GRM8: variants seen among roughly 807,000 people sequenced by gnomAD.
The protein encoded by GRM8 is metabotropic glutamate receptor 8.
GRM8 carries 47 observed loss-of-function variants against 87.2 expected under a neutral mutation model. The ratio of observed to expected loss-of-function variants is 0.54; its 90% CI spans 0.43 to 0.69. The LOEUF (loss-of-function observed/expected upper bound fraction) is 0.69, where lower values mean the gene tolerates loss of function less well. GRM8 is among the 30% of genes least tolerant of loss of function. GRM8 has a pLI of 0.00. For synonymous variants in GRM8, 396 were observed against 404.5 expected (o/e 0.98, Z 0.25); for missense variants, 1,019 against 1,139.2 (o/e 0.89, Z 1.52).
intron 9 of GRM8, among the ~76,000 whole-genome samples, chr7:126,499,413 C>CAAA (rs201518620): frequency 1.5e-5 from 2 of 134,322 alleles, no homozygotes; most frequent in Non-Finnish European, 1.6e-5. Flanking sequence ...GAGGTTCCTC[C>CAAA]AAAAAAAAAA....
intron 7 of GRM8, among the ~76,000 whole-genome samples, chr7:126,718,881 T>C (rs1017261208): frequency 1.3e-5 from 2 of 152,232 alleles, no homozygotes; most frequent in Non-Finnish European, 2.9e-5. Context: ...TGCCATACTT[T>C]CCAGCTAAAT....
intron 3 of GRM8, among the ~76,000 whole-genome samples, chr7:127,077,885 A>G (rs1307700476): frequency 6.6e-6 from 1 of 152,180 alleles, no homozygotes; most frequent in Non-Finnish European, 1.5e-5. Flanking sequence ...ACGGGGGAAC[A>G]TTTAACAATA....
At chr7:126,503,733 G>T (rs1192922043) in intron 9 of GRM8, among the ~76,000 whole-genome samples, 1 of 152,044 alleles carries the variant, frequency 6.6e-6, no homozygotes, top group East Asian at 1.9e-4. Flanking sequence ...AAATAGCAGT[G>T]TGTATTAGGC....
At chr7:126,933,347 T>C (rs1308133563) in intron 3 of GRM8, among the ~76,000 whole-genome samples, 1 of 152,176 alleles carries the variant, frequency 6.6e-6, no homozygotes, top group African/African-American at 2.4e-5. Flanking sequence ...GTTAAGAACA[T>C]AGATTAAGGA....
At chr7:126,582,099 T>C (rs575802000) in intron 8 of GRM8, among the ~76,000 whole-genome samples, 1 of 152,194 alleles carries the variant, frequency 6.6e-6, no homozygotes, top group South Asian at 2.1e-4. Flanking sequence ...TATCAAAAGC[T>C]GAGACAGATA....
intron 10 of GRM8, among the ~76,000 whole-genome samples, chr7:126,442,179 T>C (rs1182497158): frequency 6.6e-6 from 1 of 152,022 alleles, no homozygotes; most frequent in East Asian, 1.9e-4. Flanking sequence ...CCTATCTCCC[T>C]TCCTTTCTTC....
chr7:126,563,897 A>G (rs754287289), intron 8 of GRM8, among the ~76,000 whole-genome samples: 1 of 152,232 alleles, frequency 6.6e-6, no homozygotes, highest in Non-Finnish European at 1.5e-5. Context: ...TAACAGAGAA[A>G]GTGCTTATCG....
At chr7:126,496,900 T>A (rs1272810367) in intron 9 of GRM8, among the ~76,000 whole-genome samples, 3 of 151,870 alleles carry the variant, frequency 2.0e-5, no homozygotes, top group Non-Finnish European at 4.4e-5. Context: ...ACAGCATACA[T>A]GCACTGTATA....
intron 3 of GRM8, among the ~76,000 whole-genome samples, chr7:127,029,222 C>A (rs1416750518): frequency 6.6e-6 from 1 of 152,122 alleles, no homozygotes; most frequent in Non-Finnish European, 1.5e-5. Flanking sequence ...GATTTCTCTT[C>A]TTTTGCATTT....
intron 7 of GRM8, among the ~76,000 whole-genome samples, chr7:126,622,398 A>G (rs968392896): frequency 6.6e-6 from 1 of 152,044 alleles, no homozygotes; most frequent in African/African-American, 2.4e-5. Context: ...CATCCCTCAC[A>G]TATCCAACAC....
At chr7:126,625,296 T>C (rs1393749733) in intron 7 of GRM8, among the ~76,000 whole-genome samples, 1 of 152,162 alleles carries the variant, frequency 6.6e-6, no homozygotes, top group Non-Finnish European at 1.5e-5. Flanking sequence ...TTCTTCAGAA[T>C]TGCACTGGAT....
chr7:126,535,572 C>T (rs1286643408), intron 8 of GRM8, among the ~76,000 whole-genome samples: 1 of 152,174 alleles, frequency 6.6e-6, no homozygotes, highest in Non-Finnish European at 1.5e-5. Flanking sequence ...CTTTCAATTG[C>T]ATGCAGAGTA....
chr7:126,902,442 A>G, intron 6 of GRM8, 100 bp downstream of exon 6: 1 of 977,168 alleles, frequency 1.0e-6, no homozygotes, highest in Non-Finnish European at 1.5e-6. Context: ...AAAATAGAAA[A>G]TACATTCATC....
chr7:127,182,630 GTGGTGTGTGTGTGTGTGT>G (rs1232875012), intron 2 of GRM8, among the ~76,000 whole-genome samples: 1 of 129,318 alleles, frequency 7.7e-6, no homozygotes, highest in African/African-American at 3.1e-5. Context: ...TAAAGAAAGT[GTGGTGTGTGTGTGTGTGT>G]GTGTGTGTGT....
chr7:126,678,043 G>A (rs1280246862), intron 7 of GRM8, among the ~76,000 whole-genome samples: 2 of 152,126 alleles, frequency 1.3e-5, no homozygotes, highest in African/African-American at 4.8e-5. Flanking sequence ...AGTTATGATG[G>A]TGTTCGCTTA....
At chr7:126,788,009 A>G (rs1017195589) in intron 6 of GRM8, among the ~76,000 whole-genome samples, 14 of 152,270 alleles carry the variant, frequency 9.2e-5, no homozygotes, top group East Asian at 7.7e-4. Context: ...AATTATTTCT[A>G]TTTGAAAGTA....
At chr7:127,049,462 A>C (rs985681371) in intron 3 of GRM8, among the ~76,000 whole-genome samples, 1 of 152,204 alleles carries the variant, frequency 6.6e-6, no homozygotes, top group African/African-American at 2.4e-5. Flanking sequence ...AAACACATAC[A>C]TATGTGTGTG....
rs563406324 is a variant in GRM8, at chr7:127,033,423, T to C, written c.727+73073A>G. 3.9e-5 allele frequency among the ~76,000 whole-genome samples: 6 copies of C among 152,252 alleles called. No homozygotes were observed. In the South Asian group the frequency reaches 6.2e-4, roughly 16 times the overall value. On this transcript the variant is annotated intron_variant, in intron 3 of 10. Transcript: ENST00000339582. ...ATATCTCTAGTAATAATATTAATTA[T>C]AATTGTAAGTAGTAGAAATATCTAA...
intron 3 of GRM8, among the ~76,000 whole-genome samples, chr7:127,017,500 A>G (rs1319075024): frequency 6.6e-6 from 1 of 152,112 alleles, no homozygotes; most frequent in African/African-American, 2.4e-5. Flanking sequence ...TGGTGATATA[A>G]ATAAATGATG....
Sources: allele counts gnomAD v4.1 joint callset (sites outside exome capture counted in the v4.1 genomes callset), GRCh38; gene constraint gnomAD v4.1.1; transcripts MANE v1.5; gene names NCBI Gene and HGNC (gene_info 2026-07-23, HGNC 2026-07-21).